MSRA: variants seen among roughly 807,000 people sequenced by gnomAD.
MSRA encodes the protein methionine sulfoxide reductase A, also known as mitochondrial peptide methionine sulfoxide reductase.
In MSRA, 54 loss-of-function variants were observed where a neutral mutation model predicts 31.3. The observed-to-expected ratio is 1.73, with a 90% confidence interval of 1.39 to 2.17. The LOEUF is 2.17. Among genes scored for constraint, MSRA ranks in the 30% most tolerant of loss-of-function variants. The pLI, the probability that MSRA is intolerant of heterozygous loss-of-function variation, is 0.00. For missense variants in MSRA, 507 were observed against 300.9 expected (o/e 1.69, Z -5.07); for synonymous variants, 169 against 116.5 (o/e 1.45, Z -2.90).
At chr8:10,102,317 T>A (rs993733639) in intron 1 of MSRA, among the ~76,000 whole-genome samples, 4 of 152,164 alleles carry the variant, frequency 2.6e-5, no homozygotes, top group African/African-American at 9.6e-5. Flanking sequence ...ATACTGATTA[T>A]TTTTTAAGTC....
At chr8:10,353,587 C>T (rs1473517333) in intron 5 of MSRA, 7 of 455,980 alleles carry the variant, frequency 1.5e-5, no homozygotes, top group Non-Finnish European at 2.6e-5. Flanking sequence ...GCCTCTGTAC[C>T]GTCTTTCTAG....
At chr8:10,152,757 G>A (rs987762848) in intron 1 of MSRA, among the ~76,000 whole-genome samples, 1 of 152,182 alleles carries the variant, frequency 6.6e-6, no homozygotes, top group African/African-American at 2.4e-5. Context: ...ATAGCTCCAC[G>A]TGCCCGTTGA....
intron 1 of MSRA, among the ~76,000 whole-genome samples, chr8:10,110,478 T>C (rs1428046484): frequency 6.6e-6 from 1 of 152,204 alleles, no homozygotes; most frequent in African/African-American, 2.4e-5. Flanking sequence ...TGATTTAAGT[T>C]AGGAGAAACA....
At chr8:10,157,359 G>C (rs1425934007) in intron 1 of MSRA, among the ~76,000 whole-genome samples, 1 of 152,150 alleles carries the variant, frequency 6.6e-6, no homozygotes, top group Non-Finnish European at 1.5e-5. Context: ...GGTGTGATTT[G>C]AGGGCCTTAG....
At chr8:10,119,981 T>G (rs1400644051) in intron 1 of MSRA, among the ~76,000 whole-genome samples, 2 of 152,132 alleles carry the variant, frequency 1.3e-5, no homozygotes, top group African/African-American at 4.8e-5. Flanking sequence ...ATGACAAGTA[T>G]TGAACCGTGA....
chr8:10,245,364 T>C, intron 3 of MSRA, 141 bp downstream of exon 3: 1 of 757,460 alleles, frequency 1.3e-6, no homozygotes, highest in Non-Finnish European at 2.0e-6. Flanking sequence ...TATATATACT[T>C]GTGAGCTTCT....
chr8:10,338,431 C>T (rs917945641), intron 5 of MSRA, among the ~76,000 whole-genome samples: 2 of 152,030 alleles, frequency 1.3e-5, no homozygotes, highest in Non-Finnish European at 2.9e-5. Flanking sequence ...TGTTGCACAG[C>T]AGGGTGACTG....
At chr8:10,078,906 A>G (rs1033441006) in intron 1 of MSRA, among the ~76,000 whole-genome samples, 4 of 152,210 alleles carry the variant, frequency 2.6e-5, no homozygotes, top group Admixed American at 6.5e-5. Flanking sequence ...TGAATGGAAA[A>G]TAAATGGGGA....
At chr8:10,387,949 G>A (rs987249971) in intron 5 of MSRA, among the ~76,000 whole-genome samples, 4 of 152,136 alleles carry the variant, frequency 2.6e-5, no homozygotes, top group African/African-American at 9.7e-5. Context: ...TGCCAAAGCC[G>A]CCTATTTTAG....
At chr8:10,228,531 C>T (rs912843712) in intron 2 of MSRA, among the ~76,000 whole-genome samples, 5 of 152,218 alleles carry the variant, frequency 3.3e-5, no homozygotes, top group Admixed American at 6.5e-5. Context: ...ACAGCACCAT[C>T]CTTCAAACCC....
chr8:10,425,712 G>A (rs377637730), intron 5 of MSRA, among the ~76,000 whole-genome samples: 12 of 152,362 alleles, frequency 7.9e-5, no homozygotes, highest in Admixed American at 3.3e-4. Flanking sequence ...GGTGTCAGCC[G>A]CGGAGTGGGT....
At chr8:10,355,966 C>T (rs915327020) in intron 5 of MSRA, among the ~76,000 whole-genome samples, 7 of 152,106 alleles carry the variant, frequency 4.6e-5, no homozygotes, top group African/African-American at 1.7e-4. Flanking sequence ...GGGGTCTGTT[C>T]ACAAGGAATT....
intron 2 of MSRA, among the ~76,000 whole-genome samples, chr8:10,226,714 T>A (rs1488124055): frequency 6.6e-6 from 1 of 151,752 alleles, no homozygotes; most frequent in Non-Finnish European, 1.5e-5. Context: ...TATGTTTGTT[T>A]GTTTGTTTGT....
rs555910793 is a variant in MSRA at position 10,055,326 on chromosome 8, G to A, written c.142+668G>A. 2.0e-5 allele frequency among the ~76,000 whole-genome samples: 3 copies of A among 152,334 alleles called. No individual in the cohort carries two copies. The South Asian group carries it at 6.2e-4, about 32-fold the overall frequency. On this transcript the variant is annotated intron_variant, in intron 1 of 5. Coordinates refer to ENST00000317173, the MANE Select transcript of MSRA (RefSeq NM_012331.5). ...AGTACTTTGGGAAAATACAATAAGGGTGAAATACTAGAAAAATGTTCACGT... is the reference window on the plus strand; with the variant it reads ...AGTACTTTGGGAAAATACAATAAGGATGAAATACTAGAAAAATGTTCACGT...
intron 5 of MSRA, among the ~76,000 whole-genome samples, chr8:10,343,825 A>C (rs769716365): frequency 7.9e-5 from 12 of 152,218 alleles, no homozygotes; most frequent in Non-Finnish European, 1.8e-4. Flanking sequence ...AATCTCTTAT[A>C]AATAACTAGT....
intron 2 of MSRA, among the ~76,000 whole-genome samples, chr8:10,225,976 G>A (rs150717837): frequency 4.5e-4 from 68 of 152,322 alleles, no homozygotes; most frequent in East Asian, 3.1e-3. Context: ...GAAAAAATGG[G>A]AAGTGTGAAA....
At chr8:10,156,884 C>G (rs1302720749) in intron 1 of MSRA, among the ~76,000 whole-genome samples, 11 of 144,596 alleles carry the variant, frequency 7.6e-5, no homozygotes, top group Admixed American at 7.2e-4. Context: ...TCAAAATAGA[C>G]TTTCCATGGT....
At chr8:10,329,334 C>T (rs969559292) in intron 5 of MSRA, among the ~76,000 whole-genome samples, 3 of 152,192 alleles carry the variant, frequency 2.0e-5, no homozygotes, top group Non-Finnish European at 4.4e-5. Context: ...CCGGATCTTC[C>T]AGCGTCTGGT....
At chr8:10,151,597 C>T (rs1209080512) in intron 1 of MSRA, among the ~76,000 whole-genome samples, 7 of 152,170 alleles carry the variant, frequency 4.6e-5, no homozygotes, top group African/African-American at 1.7e-4. Flanking sequence ...TTGCAGTGAG[C>T]CCAGATCGCG....
Sources: allele counts gnomAD v4.1 joint callset (sites outside exome capture counted in the v4.1 genomes callset), GRCh38; gene constraint gnomAD v4.1.1; transcripts MANE v1.5; gene names NCBI Gene and HGNC (gene_info 2026-07-23, HGNC 2026-07-21).